ZNF143: variants seen among roughly 807,000 people sequenced by gnomAD.
The protein encoded by ZNF143 is SPH-binding factor.
ZNF143 carries 49 observed loss-of-function variants against 74.1 expected under a neutral mutation model. That is an observed-to-expected ratio of 0.66 (90% CI 0.53 to 0.84). ZNF143 has a LOEUF of 0.84. Ranked by LOEUF, ZNF143 falls within the 40% of genes least tolerant of loss-of-function variation. ZNF143 has a pLI of 0.00. For synonymous variants in ZNF143, 304 were observed against 282.8 expected, an observed-to-expected ratio of 1.07 and a Z score of -0.75; for missense variants, 637 against 793.4, an observed-to-expected ratio of 0.80 and a Z score of 2.37.
At chr11:9,464,493 C>T (rs576686110) in intron 1 of ZNF143, among the ~76,000 whole-genome samples, 2 of 151,838 alleles carry the variant, frequency 1.3e-5, no homozygotes, top group African/African-American at 4.8e-5. Context: ...CCCAGCTACT[C>T]GGGAGGCTGA....
At chr11:9,526,850 A>T (rs542894533) in intron 15 of ZNF143, among the ~76,000 whole-genome samples, 3 of 152,230 alleles carry the variant, frequency 2.0e-5, no homozygotes, top group Admixed American at 2.0e-4. Flanking sequence ...TTTGAGACGG[A>T]GTCTCGCTCT....
intron 13 of ZNF143, among the ~76,000 whole-genome samples, chr11:9,513,185 T>C (rs957850572): frequency 6.6e-6 from 1 of 152,238 alleles, no homozygotes; most frequent in Non-Finnish European, 1.5e-5. Context: ...AAGACTGTCT[T>C]AATACCTGGT....
At chr11:9,504,240 T>G (rs774566149) in intron 11 of ZNF143, among the ~76,000 whole-genome samples, 12 of 150,102 alleles carry the variant, frequency 8.0e-5, no homozygotes, top group African/African-American at 1.2e-4. Context: ...ATTACAGGTT[T>G]GAGCCACCAC....
chr11:9,507,942 C>A (rs1848419986), intron 11 of ZNF143, among the ~76,000 whole-genome samples: 1 of 152,146 alleles, frequency 6.6e-6, no homozygotes, highest in African/African-American at 2.4e-5. Flanking sequence ...ACATGGGGAA[C>A]TGTTTCTCTA....
intron 7 of ZNF143, among the ~76,000 whole-genome samples, chr11:9,493,039 A>G (rs1192740580): frequency 1.4e-5 from 2 of 142,760 alleles, no homozygotes; most frequent in Non-Finnish European, 3.1e-5. Flanking sequence ...TATAATAAAC[A>G]TTTTCTTTTT....
chr11:9,491,419 G>A (rs1171010620), intron 7 of ZNF143, among the ~76,000 whole-genome samples: 2 of 151,836 alleles, frequency 1.3e-5, no homozygotes, highest in Non-Finnish European at 1.5e-5. Context: ...GGCGGATCAC[G>A]AGGTCAGGAG....
chr11:9,484,683 A>G (rs1391693941), intron 7 of ZNF143, among the ~76,000 whole-genome samples: 1 of 140,940 alleles, frequency 7.1e-6, no homozygotes, highest in Admixed American at 7.2e-5. Context: ...CAATGGCCTG[A>G]TCTTGGCTCA....
rs1226520281 is a variant in ZNF143 at position 9,528,388 on chromosome 11, T to C, written c.*775T>C. On this transcript the variant is annotated 3_prime_UTR_variant, in exon 16 of 16. Coordinates refer to ENST00000396602, the MANE Select transcript of ZNF143 (RefSeq NM_003442.6). ...GTGCCCGGGATAACAGTACTGTAAT[T>C]GGAAATGGCTTTACTCTGAAAATTA... 6.6e-6 allele frequency: 1 copy of C among 152,210 alleles called. No individual in the cohort carries two copies. Among genetic ancestry groups the C allele is most frequent in the Non-Finnish European group, 1.5e-5 (1 of 68,034 alleles). 9.4% of individuals were successfully genotyped at this position (152,210 alleles called of 1,614,324 possible).
chr11:9,461,234 G>T lies in ZNF143; in HGVS notation c.-8+158G>T, dbSNP rs543396819. 3.3e-5 allele frequency among the ~76,000 whole-genome samples: 5 copies of T among 152,274 alleles called. No individual in the cohort carries two copies. In the East Asian group the frequency reaches 7.7e-4, roughly 24 times the overall value. ...GATTTTATGGGCCGGCCGCGGTAGC[G>T]GCGTCTGGGCAGAAGCGGAGTTTAT... On this transcript the variant is annotated intron_variant, in intron 1 of 15. Coordinates refer to ENST00000396602, the MANE Select transcript of ZNF143 (RefSeq NM_003442.6).
intron 14 of ZNF143, among the ~76,000 whole-genome samples, chr11:9,521,778 T>A (rs755830208): frequency 5.9e-5 from 9 of 152,078 alleles, no homozygotes; most frequent in Non-Finnish European, 1.3e-4. Context: ...ATACATAGGA[T>A]CTGGGGGCCG....
intron 7 of ZNF143, among the ~76,000 whole-genome samples, chr11:9,486,791 C>G (rs945848132): frequency 1.3e-5 from 2 of 149,706 alleles, no homozygotes; most frequent in African/African-American, 5.0e-5. Flanking sequence ...TCCTCAGCCT[C>G]CCGAGTAGCT....
chr11:9,492,060 T>G (rs938696350), intron 7 of ZNF143, among the ~76,000 whole-genome samples: 8 of 150,912 alleles, frequency 5.3e-5, no homozygotes, highest in African/African-American at 1.9e-4. Context: ...TTCTCCTGCC[T>G]CCCAAGTAGC....
rs762561917 is a variant in ZNF143, at chr11:9,472,708, A to G, written c.144A>G (p.Val48=). Residue 48 remains valine, a synonymous_variant, in exon 3 of 16, where the codon GTA becomes GTG. Coordinates refer to ENST00000396602, the MANE Select transcript of ZNF143 (RefSeq NM_003442.6). ...ACAACTTAGAAAATATGGAAGGCGT[A>G]AGCTTGCAAGCAGTAACACTTGCAG... ...DGDNLENMEG[V]SLQAVTLADG... is the part of the protein sequence containing the mutation. The G allele has an allele frequency of 6.2e-7, 1 of 1,606,794 alleles. No individual in the cohort carries two copies. Among genetic ancestry groups the G allele is most frequent in the Non-Finnish European group, 8.5e-7 (1 of 1,177,984 alleles).
At chr11:9,486,446 TA>T (rs1847548719) in intron 7 of ZNF143, among the ~76,000 whole-genome samples, 1 of 15,716 alleles carries the variant, frequency 6.4e-5, no homozygotes, top group Non-Finnish European at 2.0e-4. Flanking sequence ...TATAATATAT[TA>T]TATATATTAT....
intron 7 of ZNF143, among the ~76,000 whole-genome samples, chr11:9,487,717 T>C (rs1013936267): frequency 1.3e-5 from 2 of 152,222 alleles, no homozygotes; most frequent in African/African-American, 4.8e-5. Context: ...AGTCATTTTC[T>C]ATACATGGTT....
chr11:9,481,498 T>C (rs758710474), intron 7 of ZNF143, among the ~76,000 whole-genome samples: 36 of 152,286 alleles, frequency 2.4e-4, no homozygotes, highest in Admixed American at 3.9e-4. Context: ...GCGGGAGTTA[T>C]AGGTCAGTGG....
intron 13 of ZNF143, among the ~76,000 whole-genome samples, chr11:9,512,874 A>T (rs533687891): frequency 9.2e-5 from 14 of 152,158 alleles, no homozygotes; most frequent in Non-Finnish European, 1.9e-4. Flanking sequence ...AAAGTACTGG[A>T]TCCATGTGAA....
intron 11 of ZNF143, among the ~76,000 whole-genome samples, chr11:9,503,008 G>A (rs1181020221): frequency 2.0e-5 from 3 of 151,882 alleles, no homozygotes; most frequent in Non-Finnish European, 4.4e-5. Context: ...TTTTTTGTAT[G>A]TTTTAGTAGA....
At chr11:9,462,335 C>T (rs928998658) in intron 1 of ZNF143, among the ~76,000 whole-genome samples, 1 of 151,386 alleles carries the variant, frequency 6.6e-6, no homozygotes, top group Non-Finnish European at 1.5e-5. Context: ...ACATACCTTA[C>T]AGTTCACCCA....
Sources: allele counts gnomAD v4.1 joint callset (sites outside exome capture counted in the v4.1 genomes callset), GRCh38; gene constraint gnomAD v4.1.1; transcripts MANE v1.5; gene names NCBI Gene and HGNC (gene_info 2026-07-23, HGNC 2026-07-21).